PABPC4L: variants seen among roughly 807,000 people sequenced by gnomAD.
PABPC4L encodes the protein poly(A) binding protein cytoplasmic 4 like, also known as polyadenylate-binding protein 4-like.
For synonymous variants in PABPC4L, 169 were observed against 164.1 expected (o/e 1.03, Z -0.23); for missense variants, 452 against 451.4 (o/e 1.00, Z -0.01).
At chr4:133,955,632 T>C in the PABPC4L span, among the ~76,000 whole-genome samples, 1 of 152,174 alleles carries the variant, frequency 6.6e-6, no homozygotes, top group Non-Finnish European at 1.5e-5. Flanking sequence ...AAATTACATT[T>C]TGTAAAAGAG....
chr4:134,005,070 AATGT>A, the PABPC4L span, among the ~76,000 whole-genome samples: 1 of 151,852 alleles, frequency 6.6e-6, no homozygotes, highest in African/African-American at 2.4e-5. Context: ...TAATAATGAT[AATGT>A]AAATGTAAAA....
In PABPC4L at chr4:134,198,937, C is replaced by G. The variant is rs1159871543; in HGVS notation, c.*970G>C. The G allele has an allele frequency of 6.6e-6, 1 of 151,804 alleles. No individual in the cohort carries two copies. Among genetic ancestry groups the G allele is most frequent in the African/African-American group, 2.4e-5 (1 of 41,388 alleles). The allele number at this position is 151,804 out of a possible 1,614,324, so 9.4% of individuals were successfully genotyped here. ...ATTCTAATAAAAGGAGATGTGAGTA[C>G]ATAAAAATAGAGGAACTTACTTTTC... is the stretch of plus-strand genomic sequence containing the variant. On this transcript the variant is annotated 3_prime_UTR_variant, in exon 2 of 2. Transcript: ENST00000421491.
chr4:134,176,464 C>T, the PABPC4L span, among the ~76,000 whole-genome samples: 4 of 151,852 alleles, frequency 2.6e-5, no homozygotes, highest in Non-Finnish European at 5.9e-5. Context: ...ACAGTGAGAC[C>T]CTGCCTCTTC....
At chr4:134,078,847 T>TA in the PABPC4L span, among the ~76,000 whole-genome samples, 1 of 151,356 alleles carries the variant, frequency 6.6e-6, no homozygotes, top group South Asian at 2.1e-4. Flanking sequence ...TCTTTTTTTT[T>TA]AGTCGAGACG....
chr4:134,074,788 A>G, the PABPC4L span, among the ~76,000 whole-genome samples: 2 of 152,138 alleles, frequency 1.3e-5, no homozygotes, highest in South Asian at 4.1e-4. Context: ...CAAAAAGTGG[A>G]AAAGTCCCTC....
chr4:134,003,010 T>C, the PABPC4L span, among the ~76,000 whole-genome samples: 4 of 151,932 alleles, frequency 2.6e-5, no homozygotes, highest in East Asian at 1.9e-4. Context: ...TAAATCACTA[T>C]TGCACCTGCT....
At chr4:134,034,335 C>A in the PABPC4L span, among the ~76,000 whole-genome samples, 9 of 151,838 alleles carry the variant, frequency 5.9e-5, no homozygotes, top group Middle Eastern at 3.4e-3. Flanking sequence ...GAGCTCTGAC[C>A]GAGATGTACA....
At chr4:134,052,070 C>T in the PABPC4L span, among the ~76,000 whole-genome samples, 1 of 151,990 alleles carries the variant, frequency 6.6e-6, no homozygotes, top group Non-Finnish European at 1.5e-5. Context: ...GGCTACTTGG[C>T]TGTGGCACCA....
the PABPC4L span, among the ~76,000 whole-genome samples, chr4:134,167,236 T>C: frequency 6.6e-6 from 1 of 152,024 alleles, no homozygotes; most frequent in Non-Finnish European, 1.5e-5. Flanking sequence ...TTATGACAGG[T>C]TCATTCATTG....
chr4:134,095,619 G>T, the PABPC4L span, among the ~76,000 whole-genome samples: 1 of 151,890 alleles, frequency 6.6e-6, no homozygotes, highest in Admixed American at 6.6e-5. Context: ...TCAGGCAGTA[G>T]TTTTACATCA....
At chr4:134,095,604 C>T in the PABPC4L span, among the ~76,000 whole-genome samples, 1 of 151,960 alleles carries the variant, frequency 6.6e-6, no homozygotes, top group African/African-American at 2.4e-5. Context: ...TCTGCAACTT[C>T]TAAGTCAGGC....
chr4:134,100,522 G>A, the PABPC4L span, among the ~76,000 whole-genome samples: 17 of 151,700 alleles, frequency 1.1e-4, 1 homozygote, highest in Admixed American at 9.9e-4. Context: ...GATTCAATGC[G>A]TGTGCTGAGT....
At chr4:134,002,557 G>A in the PABPC4L span, among the ~76,000 whole-genome samples, 1 of 151,780 alleles carries the variant, frequency 6.6e-6, no homozygotes, top group Non-Finnish European at 1.5e-5. Context: ...TGTTTTTTAT[G>A]TATTTAGCCA....
chr4:134,025,481 G>A, the PABPC4L span, among the ~76,000 whole-genome samples: 5 of 152,024 alleles, frequency 3.3e-5, no homozygotes, highest in African/African-American at 1.2e-4. Flanking sequence ...TAAACCAGGA[G>A]CTGTGTATAA....
the PABPC4L span, among the ~76,000 whole-genome samples, chr4:134,101,008 T>C: frequency 6.6e-6 from 1 of 151,126 alleles, no homozygotes. Context: ...CAAAAACAAA[T>C]GTATTAGAAG....
chr4:134,001,577 A>C, the PABPC4L span, among the ~76,000 whole-genome samples: 1 of 152,128 alleles, frequency 6.6e-6, no homozygotes, highest in African/African-American at 2.4e-5. Context: ...GAATGAAAGA[A>C]GTTGGGATCG....
chr4:134,155,694 G>C, the PABPC4L span, among the ~76,000 whole-genome samples: 1 of 151,954 alleles, frequency 6.6e-6, no homozygotes, highest in Non-Finnish European at 1.5e-5. Context: ...ACACTGCAGT[G>C]ATAGTACTAG....
the PABPC4L span, among the ~76,000 whole-genome samples, chr4:133,952,826 C>T: frequency 1.4e-4 from 22 of 152,198 alleles, no homozygotes; most frequent in South Asian, 4.1e-4. Context: ...GTTTCTGCGT[C>T]GGGGACATAT....
At chr4:134,129,015 T>C in the PABPC4L span, among the ~76,000 whole-genome samples, 1 of 152,054 alleles carries the variant, frequency 6.6e-6, no homozygotes, top group Non-Finnish European at 1.5e-5. Flanking sequence ...TAAACAGGCA[T>C]GATTAGCTAT....
Sources: gnomAD v4.1 joint callset for allele counts (sites outside exome capture counted in the v4.1 genomes callset) on GRCh38, gnomAD v4.1.1 for gene constraint, MANE v1.5 for transcripts, NCBI Gene and HGNC (gene_info 2026-07-23, HGNC 2026-07-21) for gene names.